UBE2G1: variants seen among roughly 807,000 people sequenced by gnomAD.
UBE2G1 encodes ubiquitin conjugating enzyme E2 G1.
Under a neutral mutation model 22.7 loss-of-function variants are expected in UBE2G1, and 5 were observed. The ratio of observed to expected loss-of-function variants is 0.22; its 90% CI spans 0.12 to 0.46. The LOEUF (loss-of-function observed/expected upper bound fraction) is 0.46, where lower values mean the gene tolerates loss of function less well. Among genes scored for constraint, UBE2G1 ranks in the 20% least tolerant of loss-of-function variants. The probability of loss-of-function intolerance (pLI) is 0.99; values close to 1 mark genes in which losing one functional copy is unlikely to be tolerated. For synonymous variants in UBE2G1, 74 were observed against 67.5 expected (o/e 1.10, Z -0.47); for missense variants, 88 against 203.9 (o/e 0.43, Z 3.46).
At chr17:4,296,654 T>A in intron 3 of UBE2G1, 63 bp downstream of exon 3, 1 of 1,471,590 alleles carries the variant, frequency 6.8e-7, no homozygotes, top group Middle Eastern at 1.7e-4. Context: ...CTTATTGACC[T>A]TGAACACTTC....
At chr17:4,297,640 C>T (rs1007468250) in intron 2 of UBE2G1, among the ~76,000 whole-genome samples, 1 of 152,132 alleles carries the variant, frequency 6.6e-6, no homozygotes, top group South Asian at 2.1e-4. Flanking sequence ...TTCTGTCTTG[C>T]GGCCTTGGTA....
intron 1 of UBE2G1, among the ~76,000 whole-genome samples, chr17:4,355,561 G>C (rs1597267179): frequency 1.4e-5 from 2 of 146,756 alleles, no homozygotes; most frequent in East Asian, 4.3e-4. Context: ...AGAATCGCTT[G>C]AACCTGGGAG....
At chr17:4,323,205 C>T (rs558133802) in intron 1 of UBE2G1, among the ~76,000 whole-genome samples, 4 of 152,236 alleles carry the variant, frequency 2.6e-5, no homozygotes, top group Non-Finnish European at 4.4e-5. Context: ...AAAAAGAAAA[C>T]GTGTCAGGCT....
chr17:4,281,067 G>C (rs1362903918), intron 5 of UBE2G1, among the ~76,000 whole-genome samples: 1 of 152,142 alleles, frequency 6.6e-6, no homozygotes, highest in East Asian at 1.9e-4. Context: ...ATATACCCTA[G>C]AGAACCTCTT....
chr17:4,361,985 A>C (rs549613469), intron 1 of UBE2G1, among the ~76,000 whole-genome samples: 1 of 149,708 alleles, frequency 6.7e-6, no homozygotes, highest in African/African-American at 2.5e-5. Context: ...AAAAAAAGAC[A>C]TATTTGTCAA....
chr17:4,328,987 T>A (rs1465563981), intron 1 of UBE2G1, among the ~76,000 whole-genome samples: 1 of 151,684 alleles, frequency 6.6e-6, no homozygotes, highest in Admixed American at 6.6e-5. Context: ...ACGCCTGTAG[T>A]CCCAGCTACT....
intron 2 of UBE2G1, among the ~76,000 whole-genome samples, chr17:4,303,021 C>A (rs1226087876): frequency 6.6e-6 from 1 of 151,796 alleles, no homozygotes; most frequent in Non-Finnish European, 1.5e-5. Flanking sequence ...AGATTGTCTT[C>A]ATTAAGTATG....
intron 1 of UBE2G1, among the ~76,000 whole-genome samples, chr17:4,349,520 AAAC>A (rs1231688052): frequency 6.6e-6 from 1 of 152,104 alleles, no homozygotes; most frequent in Non-Finnish European, 1.5e-5. Flanking sequence ...TTTAAAAAAA[AAAC>A]ACGTCACATA....
intron 1 of UBE2G1, among the ~76,000 whole-genome samples, chr17:4,353,085 G>T (rs187783814): frequency 9.2e-5 from 14 of 152,202 alleles, no homozygotes; most frequent in African/African-American, 3.1e-4. Context: ...AGGTGTGGTG[G>T]CGGGCGCCTG....
intron 4 of UBE2G1, among the ~76,000 whole-genome samples, chr17:4,286,328 C>T (rs1379194247): frequency 3.3e-5 from 5 of 149,550 alleles, no homozygotes; most frequent in Non-Finnish European, 7.5e-5. Flanking sequence ...TCACTTGAAC[C>T]CGGGAGGTGG....
At position 4,271,739 on chromosome 17, in the gene UBE2G1, CA is replaced by C. The variant is rs1968762157; in HGVS notation, c.*814del. ...ATTTGCTATTGTTTGGGGAAATTTT[CA>C]GTAAGTTGAATTAAGAACCATCTAT... On this transcript the variant is annotated 3_prime_UTR_variant, in exon 6 of 6. Transcript: ENST00000396981. 6.7e-6 allele frequency: 1 copy of C among 148,844 alleles called. No individual in the cohort carries two copies. The highest frequency in any genetic ancestry group is 2.5e-5 in the African/African-American group (1 of 40,000). 9.2% of individuals were successfully genotyped at this position (148,844 alleles called of 1,614,324 possible). A position where few individuals can be genotyped will look rare whatever the true frequency, so the allele number is the denominator to read the frequency against.
At chr17:4,317,259 A>C (rs1969386221) in intron 1 of UBE2G1, among the ~76,000 whole-genome samples, 1 of 152,232 alleles carries the variant, frequency 6.6e-6, no homozygotes, top group Non-Finnish European at 1.5e-5. Context: ...CTGAGGCAGG[A>C]GAATCGCTTG....
Position 4,329,616 on chromosome 17 carries a change from T to G in UBE2G1, c.47-22493A>C, listed in dbSNP as rs566797760. Among the ~76,000 whole-genome samples, 105 of 152,208 alleles carry G rather than the reference T, an allele frequency of 6.9e-4. 1 individual carries two copies. The highest frequency in any genetic ancestry group is 2.5e-3 in the African/African-American group (103 of 41,518). On this transcript the variant is annotated intron_variant, in intron 1 of 5. Transcript: ENST00000396981. ...TTAAACAACTTCTTAGAAGACACTA[T>G]TTCCATAATTTAAGGACTTTAATAT...
chr17:4,300,868 G>A (rs1969169345), intron 2 of UBE2G1, among the ~76,000 whole-genome samples: 1 of 151,608 alleles, frequency 6.6e-6, no homozygotes, highest in Non-Finnish European at 1.5e-5. Flanking sequence ...GGAAGCTGAG[G>A]TAGGAGAATC....
chr17:4,331,961 T>C (rs1245276270), intron 1 of UBE2G1: 1 of 152,166 alleles, frequency 6.6e-6, no homozygotes, highest in African/African-American at 2.4e-5. Flanking sequence ...AAATATATTA[T>C]TTAGAAGCAT....
At chr17:4,353,180 T>C (rs1026122730) in intron 1 of UBE2G1, among the ~76,000 whole-genome samples, 4 of 152,124 alleles carry the variant, frequency 2.6e-5, no homozygotes, top group Non-Finnish European at 5.9e-5. Context: ...ATCACGCCAC[T>C]GCACTCCAGC....
At chr17:4,310,043 A>G (rs1055243720) in intron 1 of UBE2G1, among the ~76,000 whole-genome samples, 1 of 152,192 alleles carries the variant, frequency 6.6e-6, no homozygotes, top group Non-Finnish European at 1.5e-5. Context: ...CACTTTTGTC[A>G]TGGCTTCAGC....
intron 1 of UBE2G1, among the ~76,000 whole-genome samples, chr17:4,363,933 A>C (rs1384563778): frequency 8.7e-6 from 1 of 114,702 alleles, no homozygotes; most frequent in Non-Finnish European, 1.7e-5. Flanking sequence ...GCTGGGCAAC[A>C]GAGTAAGACT....
intron 1 of UBE2G1, among the ~76,000 whole-genome samples, chr17:4,328,701 G>A (rs796849240): frequency 3.5e-4 from 54 of 152,312 alleles, no homozygotes; most frequent in African/African-American, 1.2e-3. Flanking sequence ...ACCTAAGCAC[G>A]TAGAAAATTG....
Sources: allele counts gnomAD v4.1 joint callset (sites outside exome capture counted in the v4.1 genomes callset), GRCh38; gene constraint gnomAD v4.1.1; transcripts MANE v1.5; gene names NCBI Gene and HGNC (gene_info 2026-07-23, HGNC 2026-07-21).